Variants in EEFSEC observed in about 807,000 individuals in gnomAD.
EEFSEC encodes the protein eukaryotic elongation factor, selenocysteine-tRNA specific.
Under a neutral mutation model 42.1 loss-of-function variants are expected in EEFSEC, and 43 were observed. That is an observed-to-expected ratio of 1.02 (90% CI 0.80 to 1.32). The LOEUF (loss-of-function observed/expected upper bound fraction) is 1.32. Ranked by LOEUF, EEFSEC falls within the 40% of genes most tolerant of loss-of-function variation. The pLI is 0.00. For missense variants in EEFSEC, 745 were observed against 803.6 expected (o/e 0.93, Z 0.88); for synonymous variants, 354 against 339.1 (o/e 1.04, Z -0.48).
At chr3:128,396,430 C>T (rs2067982168) in intron 6 of EEFSEC, among the ~76,000 whole-genome samples, 1 of 152,134 alleles carries the variant, frequency 6.6e-6, no homozygotes, top group African/African-American at 2.4e-5. Flanking sequence ...ATAATGTACC[C>T]TCCTCACATG....
intron 4 of EEFSEC, among the ~76,000 whole-genome samples, chr3:128,293,660 CAAAAA>C (rs759485696): frequency 2.8e-4 from 4 of 14,142 alleles, no homozygotes; most frequent in East Asian, 4.7e-3. Context: ...GACTCTATCT[CAAAAA>C]AAAAAAAAAA....
intron 1 of EEFSEC, among the ~76,000 whole-genome samples, chr3:128,191,344 G>A (rs1174554932): frequency 6.6e-6 from 1 of 152,104 alleles, no homozygotes; most frequent in Non-Finnish European, 1.5e-5. Flanking sequence ...CCAGGCTGGA[G>A]TGTGGTGGCA....
chr3:128,199,728 T>C (rs1446297022), intron 1 of EEFSEC, among the ~76,000 whole-genome samples: 1 of 152,192 alleles, frequency 6.6e-6, no homozygotes, highest in Non-Finnish European at 1.5e-5. Context: ...TGGTTGTCTG[T>C]TTTATAAAAA....
At chr3:128,265,473 G>A (rs1003832498) in intron 4 of EEFSEC, among the ~76,000 whole-genome samples, 2 of 152,132 alleles carry the variant, frequency 1.3e-5, no homozygotes, top group Admixed American at 6.6e-5. Context: ...TACTTTATGC[G>A]ACAAGAGAAA....
At chr3:128,344,650 C>T (rs932795950) in intron 5 of EEFSEC, among the ~76,000 whole-genome samples, 10 of 152,202 alleles carry the variant, frequency 6.6e-5, no homozygotes, top group African/African-American at 1.9e-4. Context: ...AAAGAGTCTG[C>T]GTTCTCTTGA....
At chr3:128,362,817 C>T (rs1397149201) in intron 6 of EEFSEC, among the ~76,000 whole-genome samples, 2 of 152,222 alleles carry the variant, frequency 1.3e-5, no homozygotes, top group Admixed American at 1.3e-4. Flanking sequence ...GCGGGTGCTG[C>T]TCACGTGCCG....
At chr3:128,361,273 A>G (rs968338640) in intron 6 of EEFSEC, among the ~76,000 whole-genome samples, 5 of 152,216 alleles carry the variant, frequency 3.3e-5, no homozygotes, top group Non-Finnish European at 7.3e-5. Context: ...TGAAGAGGCC[A>G]GGTGGCAGGT....
chr3:128,194,708 A>T (rs994659815), intron 1 of EEFSEC, among the ~76,000 whole-genome samples: 1 of 152,216 alleles, frequency 6.6e-6, no homozygotes, highest in African/African-American at 2.4e-5. Flanking sequence ...AAGAAAATTT[A>T]AAAATGTGAA....
At chr3:128,302,811 A>T (rs1350104109) in intron 4 of EEFSEC, among the ~76,000 whole-genome samples, 2 of 152,212 alleles carry the variant, frequency 1.3e-5, no homozygotes, top group Non-Finnish European at 2.9e-5. Context: ...AAGCTATTTT[A>T]AAAATTATAC....
At chr3:128,260,595 C>T (rs1023260652) in intron 2 of EEFSEC, among the ~76,000 whole-genome samples, 1 of 152,142 alleles carries the variant, frequency 6.6e-6, no homozygotes, top group Non-Finnish European at 1.5e-5. Context: ...AAATCATGAT[C>T]GTTCTCTGGA....
downstream of EEFSEC, among the ~76,000 whole-genome samples, chr3:128,409,638 C>G (rs1204324657): frequency 6.6e-6 from 1 of 152,212 alleles, no homozygotes; most frequent in Non-Finnish European, 1.5e-5. Context: ...AGTGTGGCCC[C>G]GGTGAGCGTG....
chr3:128,383,201 G>A (rs1057061997), intron 6 of EEFSEC, among the ~76,000 whole-genome samples: 13 of 152,232 alleles, frequency 8.5e-5, no homozygotes, highest in African/African-American at 1.7e-4. Context: ...TAGCACTATC[G>A]GAAACTTTCT....
At chr3:128,421,247 C>A in the EEFSEC span, among the ~76,000 whole-genome samples, 1 of 152,246 alleles carries the variant, frequency 6.6e-6, no homozygotes, top group Non-Finnish European at 1.5e-5. Context: ...CCTGCACAAC[C>A]TCTGAGCAAG....
intron 5 of EEFSEC, among the ~76,000 whole-genome samples, chr3:128,357,725 C>T (rs535754139): frequency 3.3e-5 from 5 of 152,086 alleles, no homozygotes; most frequent in East Asian, 1.9e-4. Flanking sequence ...AGGAGCGGCC[C>T]GGGTGACTGT....
intron 6 of EEFSEC, among the ~76,000 whole-genome samples, chr3:128,367,370 C>A (rs1225216499): frequency 2.0e-5 from 3 of 152,230 alleles, no homozygotes; most frequent in African/African-American, 7.2e-5. Flanking sequence ...AGTAGGACCC[C>A]AACCGAGTCT....
chr3:128,419,868 T>C, the EEFSEC span, among the ~76,000 whole-genome samples: 2 of 152,100 alleles, frequency 1.3e-5, no homozygotes, highest in East Asian at 1.9e-4. Context: ...AGAGACAGAT[T>C]GCAGGAGGAG....
chr3:128,267,811 A>G (rs1287124537), intron 4 of EEFSEC, among the ~76,000 whole-genome samples: 1 of 152,232 alleles, frequency 6.6e-6, no homozygotes, highest in Non-Finnish European at 1.5e-5. Context: ...ATGGACTTCT[A>G]TAGCAAAGTT....
intron 6 of EEFSEC, among the ~76,000 whole-genome samples, chr3:128,383,690 C>G (rs145283529): frequency 6.6e-6 from 1 of 152,250 alleles, no homozygotes; most frequent in Non-Finnish European, 1.5e-5. Context: ...GGCACCACCC[C>G]CTTCCTGGCC....
intron 2 of EEFSEC, among the ~76,000 whole-genome samples, chr3:128,254,155 A>C (rs1250615079): frequency 6.6e-6 from 1 of 152,154 alleles, no homozygotes; most frequent in Non-Finnish European, 1.5e-5. Context: ...TCGGAGTTAA[A>C]GGCCAGAGCT....
Sources: allele counts gnomAD v4.1 joint callset (sites outside exome capture counted in the v4.1 genomes callset), GRCh38; gene constraint gnomAD v4.1.1; transcripts MANE v1.5; gene names NCBI Gene and HGNC (gene_info 2026-07-23, HGNC 2026-07-21).